DOCK1: variants seen among roughly 807,000 people sequenced by gnomAD.
DOCK1 encodes dedicator of cytokinesis 1, also known as dedicator of cytokinesis protein 1.
A neutral mutation model predicts 262.7 loss-of-function variants in DOCK1; 138 were observed. The ratio of observed to expected loss-of-function variants is 0.53; its 90% confidence interval spans 0.46 to 0.61. DOCK1 has a LOEUF of 0.61. Among genes scored for constraint, DOCK1 ranks in the 20% least tolerant of loss-of-function variants. The pLI is 0.00. For missense variants in DOCK1, 1,908 were observed against 2,370.7 expected, an observed-to-expected ratio of 0.80 and a Z score of 4.05; for synonymous variants, 866 against 867.4, an observed-to-expected ratio of 1.00 and a Z score of 0.03.
chr10:127,278,308 T>C (rs1241710529), intron 29 of DOCK1, among the ~76,000 whole-genome samples: 1 of 151,948 alleles, frequency 6.6e-6, no homozygotes, highest in African/African-American at 2.4e-5. Flanking sequence ...TAGCATGCGG[T>C]ACAGTAAGGC....
rs561907655 is a variant in DOCK1, at chr10:127,190,679, C to A, written c.2848-57329C>A. 1.4e-4 allele frequency among the ~76,000 whole-genome samples: 9 copies of A among 63,486 alleles called. 3 individuals carry two copies. The East Asian group carries it at 2.8e-3, about 20-fold the overall frequency. The allele number at this position is 63,486 out of a possible 152,430, so 41.6% of individuals were successfully genotyped here. A position where few individuals can be genotyped will look rare whatever the true frequency, so the allele number is the denominator to read the frequency against. ...AAATCCTATCTTCCCCCCCCCCCCCCCCCCGTTCCTGCTGGCTCCCAGATT... is the reference window on the plus strand; with the variant it reads ...AAATCCTATCTTCCCCCCCCCCCCCACCCCGTTCCTGCTGGCTCCCAGATT... On this transcript the variant is annotated intron_variant, in intron 27 of 51. Transcript: ENST00000623213.
At chr10:127,232,945 T>C (rs1239465460) in intron 27 of DOCK1, among the ~76,000 whole-genome samples, 1 of 152,164 alleles carries the variant, frequency 6.6e-6, no homozygotes, top group Non-Finnish European at 1.5e-5. Context: ...AAATAAAAAA[T>C]CTTGACTAAA....
chr10:127,436,180 A>G (rs763576347), intron 48 of DOCK1, among the ~76,000 whole-genome samples: 8 of 152,216 alleles, frequency 5.3e-5, no homozygotes, highest in Admixed American at 1.3e-4. Context: ...CAATATTGGT[A>G]TATTTTATCA....
At chr10:127,194,258 G>C (rs2056943982) in intron 27 of DOCK1, among the ~76,000 whole-genome samples, 1 of 152,150 alleles carries the variant, frequency 6.6e-6, no homozygotes, top group South Asian at 2.1e-4. Flanking sequence ...TTAACCAAAT[G>C]CGCCTCTAAT....
At chr10:127,140,965 T>A (rs2051183783) in intron 27 of DOCK1, among the ~76,000 whole-genome samples, 1 of 152,196 alleles carries the variant, frequency 6.6e-6, no homozygotes, top group Admixed American at 6.5e-5. Flanking sequence ...TGGCTCTTGC[T>A]TCAGCTTCCC....
chr10:127,372,390 T>C (rs1280147312), intron 33 of DOCK1, among the ~76,000 whole-genome samples: 1 of 152,230 alleles, frequency 6.6e-6, no homozygotes, highest in Non-Finnish European at 1.5e-5. Context: ...TGAGCAGTTT[T>C]CACGACTGGG....
Position 127,403,147 on chromosome 10 carries a change from G to A in DOCK1, c.4017+3G>A. 1 of 1,602,032 alleles carries A rather than the reference G, an allele frequency of 6.2e-7. No homozygotes were observed. Among genetic ancestry groups the A allele is most frequent in the South Asian group, 1.1e-5 (1 of 88,274 alleles). ...ATGAGCAACTCAGCGAATTGCTGGT[G>A]AGTCTTTATTTCTTTTTATTTAAAT... On this transcript the variant is annotated splice_donor_region_variant and intron_variant, in intron 39 of 51. Coordinates refer to ENST00000623213, the MANE Select transcript of DOCK1 (RefSeq NM_001290223.2).
intron 27 of DOCK1, chr10:127,137,779 T>C: frequency 1.3e-6 from 2 of 1,486,674 alleles, no homozygotes; most frequent in Middle Eastern, 4.7e-4. Context: ...TGGAAAAGTA[T>C]TGACTTAAAC....
intron 1 of DOCK1, among the ~76,000 whole-genome samples, 183 bp from the exon 2 acceptor site, chr10:126,970,519 A>G (rs984536966): frequency 6.6e-6 from 1 of 152,176 alleles, no homozygotes; most frequent in African/African-American, 2.4e-5. Context: ...TCCTTAAACT[A>G]TTGACCCTTT....
At chr10:127,243,129 A>G (rs780686670) in intron 27 of DOCK1, among the ~76,000 whole-genome samples, 1 of 152,204 alleles carries the variant, frequency 6.6e-6, no homozygotes, top group Non-Finnish European at 1.5e-5. Context: ...GAGCAATTTT[A>G]TACCCTGCTA....
chr10:127,160,046 G>C (rs539623006), intron 27 of DOCK1, among the ~76,000 whole-genome samples: 3 of 151,924 alleles, frequency 2.0e-5, no homozygotes, highest in African/African-American at 7.3e-5. Context: ...TAGTGTCTCC[G>C]AGACCTTGAA....
At chr10:127,165,275 A>G (rs1228486895) in intron 27 of DOCK1, among the ~76,000 whole-genome samples, 1 of 152,208 alleles carries the variant, frequency 6.6e-6, no homozygotes. Context: ...ATGAGAACTT[A>G]TACATCTTGG....
chr10:126,934,582 G>A (rs1207634925), intron 1 of DOCK1, among the ~76,000 whole-genome samples: 2 of 152,180 alleles, frequency 1.3e-5, no homozygotes, highest in African/African-American at 4.8e-5. Context: ...TACATTTGGA[G>A]CAAGACTGGG....
chr10:127,256,307 T>A (rs2059823878), intron 28 of DOCK1, among the ~76,000 whole-genome samples: 1 of 152,246 alleles, frequency 6.6e-6, no homozygotes, highest in South Asian at 2.1e-4. Context: ...AACTTCGTAC[T>A]GGGAATTGCT....
At chr10:127,082,476 G>A (rs955923315) in intron 23 of DOCK1, among the ~76,000 whole-genome samples, 3 of 152,162 alleles carry the variant, frequency 2.0e-5, no homozygotes, top group African/African-American at 4.8e-5. Flanking sequence ...AGGCAAGAGA[G>A]CGTGTGCAGG....
At position 127,373,036 on chromosome 10, in the gene DOCK1, C is replaced by T. The variant is rs78251464; in HGVS notation, c.3433-745C>T. On this transcript the variant is annotated intron_variant, in intron 33 of 51. Transcript: ENST00000623213. ...ATGGGGAAAACATGTCCATTGTTATCGAGGTTTTTTTCAGCCTGATCAGAC... is the reference window on the plus strand; with the variant it reads ...ATGGGGAAAACATGTCCATTGTTATTGAGGTTTTTTTCAGCCTGATCAGAC... 4.0e-3 allele frequency among the ~76,000 whole-genome samples: 606 copies of T among 152,196 alleles called. 6 individuals are homozygous for T. Among genetic ancestry groups the T allele is most frequent in the African/African-American group, 0.014 (578 of 41,516 alleles).
At chr10:127,352,852 C>G (rs541639916) in intron 31 of DOCK1, among the ~76,000 whole-genome samples, 39 of 152,270 alleles carry the variant, frequency 2.6e-4, no homozygotes, top group East Asian at 3.9e-4. Context: ...CTCGGCCTCC[C>G]AAAGTGCTGG....
intron 47 of DOCK1, among the ~76,000 whole-genome samples, chr10:127,431,498 G>A (rs2069286708): frequency 6.6e-6 from 1 of 152,190 alleles, no homozygotes; most frequent in African/African-American, 2.4e-5. Context: ...CACAGTTGGG[G>A]ATAATCCCCA....
intron 1 of DOCK1, among the ~76,000 whole-genome samples, chr10:126,949,035 C>T (rs987500614): frequency 1.6e-4 from 25 of 152,224 alleles, no homozygotes; most frequent in Non-Finnish European, 2.9e-4. Flanking sequence ...TGCTTTGGTT[C>T]CCTGGCCACC....
Sources: gnomAD v4.1 joint callset for allele counts (sites outside exome capture counted in the v4.1 genomes callset) on GRCh38, gnomAD v4.1.1 for gene constraint, MANE v1.5 for transcripts, NCBI Gene and HGNC (gene_info 2026-07-23, HGNC 2026-07-21) for gene names.